The following GSN variants were observed in gnomAD, a reference collection of about 807,000 sequenced individuals.
The protein encoded by GSN is actin-depolymerizing factor.
A neutral mutation model predicts 85.7 loss-of-function variants in GSN; 56 were observed. That is an observed-to-expected ratio of 0.65 (90% CI 0.53 to 0.82). GSN has a LOEUF of 0.82. Among genes scored for constraint, GSN ranks in the 40% least tolerant of loss-of-function variants. The pLI is 0.00. For synonymous variants in GSN, 373 were observed against 399.1 expected (o/e 0.93, Z 0.78); for missense variants, 857 against 979.8 (o/e 0.87, Z 1.67).
chr9:121,331,661 C>G, intron 17 of GSN: 1 of 552,314 alleles, frequency 1.8e-6, no homozygotes, highest in Non-Finnish European at 3.3e-6. Context: ...TGAGGCTTCT[C>G]AAAGAAGGCT....
Position 121,228,424 on chromosome 9 carries a change from ATTTTTTT to A in GSN, c.-527-2720_-527-2714del, listed in dbSNP as rs869071386. Among the ~76,000 whole-genome samples the A allele has an allele frequency of 9.4e-3, 451 of 48,124 alleles. 18 individuals carry two copies. The highest frequency in any genetic ancestry group is 0.035 in the African/African-American group (402 of 11,614). The allele number at this position is 48,124 out of a possible 152,430, so 31.6% of individuals were successfully genotyped here. On this transcript the variant is annotated intron_variant, in intron 4 of 24. Transcript: ENST00000373823. ...TTAACATATATATATATATATATAT[ATTTTTTT>A]TTTTTTTTTTTTTTTTTTTTGAGAT...
chr9:121,255,789 C>T (rs983726086), intron 6 of GSN, among the ~76,000 whole-genome samples: 10 of 152,130 alleles, frequency 6.6e-5, no homozygotes, highest in African/African-American at 2.2e-4. Context: ...TGATTAATAA[C>T]TTGTAAATAT....
At chr9:121,250,295 C>T (rs1014775921) in intron 6 of GSN, among the ~76,000 whole-genome samples, 1 of 151,470 alleles carries the variant, frequency 6.6e-6, no homozygotes, top group Admixed American at 6.6e-5. Flanking sequence ...ACCTCCGCCT[C>T]CTGGGTTCAA....
intron 4 of GSN, among the ~76,000 whole-genome samples, chr9:121,227,049 A>G (rs1277184460): frequency 6.6e-6 from 1 of 152,172 alleles, no homozygotes; most frequent in Non-Finnish European, 1.5e-5. Context: ...ACGTTGTCCC[A>G]TGTGTCTTCT....
intron 11 of GSN, 86 bp from the exon 12 acceptor site, chr9:121,324,468 G>C (rs1384025651): frequency 2.8e-6 from 2 of 725,552 alleles, no homozygotes; most frequent in Non-Finnish European, 5.0e-6. Flanking sequence ...GTAACAGGGA[G>C]ATGTGTAGGT....
intron 6 of GSN, among the ~76,000 whole-genome samples, chr9:121,254,636 A>G (rs1254066291): frequency 2.0e-5 from 3 of 152,172 alleles, no homozygotes; most frequent in African/African-American, 4.8e-5. Flanking sequence ...CCTCTGAAAG[A>G]GCAATTTTCT....
Position 121,299,283 on chromosome 9 carries a change from C to T in GSN, c.-9-2680C>T, listed in dbSNP as rs563867531. On this transcript the variant is annotated intron_variant, in intron 2 of 17. Transcript: ENST00000432226. The surrounding 1 kb of genome is among the most constrained non-coding windows in gnomAD (Gnocchi z 4.2). The stretch of plus-strand genomic sequence containing the variant: ...TTCACCTGCCCACGGGAGCCGGGTC[C>T]CCTGCCCTGCTGCGGCGCATGCTGC... 7.1e-6 allele frequency: 7 copies of T among 985,324 alleles called. No homozygotes were observed. The South Asian group carries it at 3.3e-4, about 46-fold the overall frequency. 61.0% of individuals were successfully genotyped at this position (985,324 alleles called of 1,614,324 possible). A position where few individuals can be genotyped will look rare whatever the true frequency, so the allele number is the denominator to read the frequency against.
At position 121,328,891 on chromosome 9, in the gene GSN, A is replaced by G; in HGVS notation, c.1763A>G (p.Asp588Gly). The change falls in exon 15 of 18, where the codon GAT (aspartate) becomes GGT (glycine). Residue 588 changes from aspartate to glycine, a missense_variant and splice_region_variant. Physicochemically the swap from Asp to Gly is moderately conservative, Grantham distance 94. Coordinates refer to ENST00000432226, the MANE Select transcript of GSN (RefSeq NM_198252.3). Reference sequence around the variant, plus strand: ...CAACTGGCGTGGCCTCCCCTCACAGATGGCTTCTGGGAGGCCCTGGGCGGG... The same window carrying G: ...CAACTGGCGTGGCCTCCCCTCACAGGTGGCTTCTGGGAGGCCCTGGGCGGG... ...PVQVAEGSEP[D>G]GFWEALGGKA... 2 of 1,610,928 alleles carry G rather than the reference A, an allele frequency of 1.2e-6. No homozygotes were observed. The highest frequency in any genetic ancestry group is 1.7e-6 in the Non-Finnish European group (2 of 1,179,982).
chr9:121,272,833 T>C (rs1411020233), intron 1 of GSN, among the ~76,000 whole-genome samples: 1 of 152,232 alleles, frequency 6.6e-6, no homozygotes, highest in African/African-American at 2.4e-5. Context: ...ACTTACGTTC[T>C]CTTCTTTGAG....
intron 2 of GSN, chr9:121,282,377 C>G: frequency 2.8e-6 from 2 of 722,744 alleles, no homozygotes; most frequent in Non-Finnish European, 4.2e-6. Flanking sequence ...TTCTAATGAG[C>G]AATTGTGCAA....
At chr9:121,230,911 C>T (rs536992228) in intron 4 of GSN, among the ~76,000 whole-genome samples, 4 of 152,320 alleles carry the variant, frequency 2.6e-5, no homozygotes, top group East Asian at 3.9e-4. Flanking sequence ...CTCCCACTCT[C>T]GTGAACTTCA....
rs144219139 is a variant in GSN at position 121,302,081 on chromosome 9, A to C, written c.110A>C (p.Asp37Ala). Residue 37 changes from aspartate (D) to alanine (A), a missense_variant, in exon 3 of 18, where the codon GAC becomes GCC. Asp to Ala is a moderately radical substitution (Grantham distance 126). Transcript: ENST00000432226. ...CCCGTGCCCACCAACCTTTATGGAG[A>C]CTTCTTCACGGGCGACGCCTACGTC... The part of the protein sequence containing the change: ...LVPVPTNLYG[D>A]FFTGDAYVIL... 14 of 1,614,032 alleles carry C rather than the reference A, an allele frequency of 8.7e-6. No individual in the cohort carries two copies. In the African/African-American group the frequency reaches 1.9e-4, roughly 22 times the overall value.
chr9:121,209,981 C>G (rs2053943756), intron 2 of GSN, among the ~76,000 whole-genome samples: 1 of 152,174 alleles, frequency 6.6e-6, no homozygotes, highest in Non-Finnish European at 1.5e-5. Context: ...GTGCCATGAA[C>G]ACACATACAC....
At chr9:121,311,735 A>G (rs2061173147) in intron 5 of GSN, 1 of 152,536 alleles carries the variant, frequency 6.6e-6, no homozygotes, top group Admixed American at 6.5e-5. Flanking sequence ...CTTTTGCTCA[A>G]CATTACATTT....
At chr9:121,328,810 C>A in intron 14 of GSN, 81 bp from the exon 15 acceptor site, 2 of 1,485,516 alleles carry the variant, frequency 1.3e-6, no homozygotes, top group Non-Finnish European at 1.9e-6. Flanking sequence ...TGCGCTTGGG[C>A]AGGGCTGGTC....
intron 1 of GSN, among the ~76,000 whole-genome samples, chr9:121,277,140 T>C (rs1314446622): frequency 6.6e-6 from 1 of 151,786 alleles, no homozygotes; most frequent in Non-Finnish European, 1.5e-5. Flanking sequence ...CAGTGGTAGA[T>C]CTTGGTCTGT....
chr9:121,301,197 G>A (rs985901815), intron 2 of GSN, among the ~76,000 whole-genome samples: 7 of 152,160 alleles, frequency 4.6e-5, no homozygotes, highest in African/African-American at 1.7e-4. Flanking sequence ...TGCCATCTGA[G>A]GGGTCTACCC....
chr9:121,243,436 A>G (rs940667582), intron 5 of GSN, among the ~76,000 whole-genome samples: 3 of 152,250 alleles, frequency 2.0e-5, no homozygotes, highest in Non-Finnish European at 2.9e-5. Context: ...CCAAAGTTCC[A>G]GGAATTAGGA....
Position 121,261,405 on chromosome 9 carries a change from A to ATGCTC in GSN, c.-340-3748_-340-3744dup, listed in dbSNP as rs1035018812. On this transcript the variant is annotated intron_variant, in intron 6 of 24. Transcript: ENST00000373823. This position sits in a 1 kb window ranked among gnomAD's most constrained non-coding sequence, Gnocchi z 4.1. ...GCCCAGTGCCTTCATTCAGCCTGGC[A>ATGCTC]TGCTCCCAGCCCCACATGAAAGGCA... 5.3e-5 allele frequency among the ~76,000 whole-genome samples: 8 copies of ATGCTC among 152,220 alleles called. No individual in the cohort carries two copies. The highest frequency in any genetic ancestry group is 1.9e-4 in the African/African-American group (8 of 41,452).
Sources: gnomAD v4.1 joint callset for allele counts (sites outside exome capture counted in the v4.1 genomes callset) on GRCh38, gnomAD v4.1.1 for gene constraint, Gnocchi (gnomAD v3.1) non-coding constraint, MANE v1.5 for transcripts, NCBI Gene and HGNC (gene_info 2026-07-23, HGNC 2026-07-21) for gene names.